Variants in PEX5L observed in about 807,000 individuals in gnomAD.
PEX5L encodes the protein peroxisomal biogenesis factor 5 like, also known as PEX5-related protein.
Under a neutral mutation model 84.0 loss-of-function variants are expected in PEX5L, and 30 were observed. The ratio of observed to expected loss-of-function variants is 0.36; its 90% confidence interval spans 0.27 to 0.48. The LOEUF (loss-of-function observed/expected upper bound fraction) is 0.48. Among genes scored for constraint, PEX5L ranks in the 20% least tolerant of loss-of-function variants. The pLI is 0.99. For missense variants in PEX5L, 533 were observed against 754.6 expected, an observed-to-expected ratio of 0.71 and a Z score of 3.44; for synonymous variants, 270 against 283.1, an observed-to-expected ratio of 0.95 and a Z score of 0.46.
intron 8 of PEX5L, among the ~76,000 whole-genome samples, chr3:179,844,495 A>G (rs1738506361): frequency 6.6e-6 from 1 of 152,214 alleles, no homozygotes; most frequent in Non-Finnish European, 1.5e-5. Context: ...CTGTCTTTAG[A>G]AGACCAAATG....
chr3:180,004,652 C>T (rs1788714296), intron 1 of PEX5L, among the ~76,000 whole-genome samples: 1 of 151,998 alleles, frequency 6.6e-6, no homozygotes, highest in Non-Finnish European at 1.5e-5. Context: ...CAGAGCTACC[C>T]GGATTTATGT....
At chr3:179,828,434 G>T (rs1731351224) in intron 8 of PEX5L, among the ~76,000 whole-genome samples, 1 of 152,060 alleles carries the variant, frequency 6.6e-6, no homozygotes, top group African/African-American at 2.4e-5. Context: ...ATTTCTAGAA[G>T]CAGCAACTTT....
chr3:179,875,517 A>C, intron 5 of PEX5L, 40 bp from the exon 6 acceptor site: 4 of 1,101,744 alleles, frequency 3.6e-6, no homozygotes, highest in Non-Finnish European at 3.8e-6. Context: ...AGGTGGCGGC[A>C]GGGCGGGGTA....
chr3:179,856,355 A>G (rs1010563627), intron 8 of PEX5L, among the ~76,000 whole-genome samples: 2 of 150,062 alleles, frequency 1.3e-5, no homozygotes, highest in Non-Finnish European at 3.0e-5. Context: ...TTTAATAGTT[A>G]CATAGTATTT....
At chr3:179,815,673 A>G (rs1725791506) in intron 10 of PEX5L, among the ~76,000 whole-genome samples, 188 bp downstream of exon 10, 1 of 152,222 alleles carries the variant, frequency 6.6e-6, no homozygotes, top group Non-Finnish European at 1.5e-5. Flanking sequence ...CACTGTAAAC[A>G]CTGCCAATTA....
intron 2 of PEX5L, among the ~76,000 whole-genome samples, chr3:179,910,558 A>G (rs527773089): frequency 6.6e-6 from 1 of 152,200 alleles, no homozygotes; most frequent in Non-Finnish European, 1.5e-5. Flanking sequence ...ATAATCCTGT[A>G]CCACTGATAG....
At chr3:179,960,354 G>A (rs1046062380) in intron 2 of PEX5L, among the ~76,000 whole-genome samples, 2 of 152,214 alleles carry the variant, frequency 1.3e-5, no homozygotes, top group African/African-American at 2.4e-5. Context: ...AGTATGAATG[G>A]GGCATGAAGT....
chr3:179,864,528 G>A (rs1372739346), intron 7 of PEX5L, among the ~76,000 whole-genome samples: 1 of 152,108 alleles, frequency 6.6e-6, no homozygotes, highest in East Asian at 1.9e-4. Flanking sequence ...GGAGCTGGAG[G>A]TGAAGGTTGA....
chr3:179,966,730 A>T (rs1234474669), intron 2 of PEX5L, among the ~76,000 whole-genome samples: 1 of 152,186 alleles, frequency 6.6e-6, no homozygotes, highest in African/African-American at 2.4e-5. Flanking sequence ...TGGAGACACA[A>T]GGGTGAGGTT....
chr3:179,913,772 A>G (rs1372183740), intron 2 of PEX5L, among the ~76,000 whole-genome samples: 1 of 152,198 alleles, frequency 6.6e-6, no homozygotes, highest in East Asian at 1.9e-4. Context: ...AGTTTTTGCA[A>G]GAACTTAACT....
intron 1 of PEX5L, among the ~76,000 whole-genome samples, chr3:180,003,061 G>T (rs9854821): frequency 6.6e-6 from 1 of 152,050 alleles, no homozygotes; most frequent in African/African-American, 2.4e-5. Flanking sequence ...GATAAAAATC[G>T]AATTCATTCT....
intron 2 of PEX5L, among the ~76,000 whole-genome samples, chr3:179,968,830 T>C (rs1784043703): frequency 6.6e-6 from 1 of 152,088 alleles, no homozygotes; most frequent in Non-Finnish European, 1.5e-5. Flanking sequence ...CAAATAAATT[T>C]TGTCAATACA....
In PEX5L at chr3:179,961,031, G is replaced by GT. The variant is rs575751707; in HGVS notation, c.93+10562dup. Among the ~76,000 whole-genome samples, 9 of 152,244 alleles carry GT rather than the reference G, an allele frequency of 5.9e-5. No homozygotes were observed. In the South Asian group the frequency reaches 1.7e-3, roughly 28 times the overall value. On this transcript the variant is annotated intron_variant, in intron 2 of 14. Transcript: ENST00000467460. ...TTAGAAAACAAAGTGATGAATGAAT[G>GT]TTTTTTCTATTCAGAACATCCAGCA...
chr3:179,810,917 T>C (rs533984565), intron 11 of PEX5L, among the ~76,000 whole-genome samples: 2 of 151,836 alleles, frequency 1.3e-5, no homozygotes, highest in East Asian at 1.9e-4. Context: ...AGATGTGGAG[T>C]TGGGAGATGA....
At chr3:179,828,065 T>C (rs953699486) in intron 8 of PEX5L, among the ~76,000 whole-genome samples, 11 of 152,164 alleles carry the variant, frequency 7.2e-5, no homozygotes, top group African/African-American at 2.7e-4. Flanking sequence ...TCACCTGGCC[T>C]GCCTTCAGCA....
At chr3:179,995,108 CTATA>C (rs953463369) in intron 1 of PEX5L, among the ~76,000 whole-genome samples, 2 of 146,550 alleles carry the variant, frequency 1.4e-5, no homozygotes, top group African/African-American at 5.0e-5. Flanking sequence ...TATACACACA[CTATA>C]TATACTATAT....
At position 179,801,536 on chromosome 3, in the gene PEX5L, T is replaced by C. The variant is rs1160113786; in HGVS notation, c.*292A>G. On this transcript the variant is annotated 3_prime_UTR_variant, in exon 15 of 15. Transcript: ENST00000467460. ...AAAACCCAAAGAACATGTGTTGCAATATGCTTGCAACTTGTGGAAAGAGTA... is the reference window on the plus strand; with the variant it reads ...AAAACCCAAAGAACATGTGTTGCAACATGCTTGCAACTTGTGGAAAGAGTA... 1 of 313,854 alleles carries C rather than the reference T, an allele frequency of 3.2e-6. No individual in the cohort carries two copies. The highest frequency in any genetic ancestry group is 5.9e-5 in the East Asian group (1 of 17,018). The allele number at this position is 313,854 out of a possible 1,614,324, so 19.4% of individuals were successfully genotyped here. A position where few individuals can be genotyped will look rare whatever the true frequency, so the allele number is the denominator to read the frequency against.
intron 2 of PEX5L, among the ~76,000 whole-genome samples, chr3:179,898,502 A>G (rs1348862661): frequency 6.6e-6 from 1 of 152,174 alleles, no homozygotes; most frequent in Non-Finnish European, 1.5e-5. Flanking sequence ...TTTTATATGT[A>G]TAATATGTTT....
intron 8 of PEX5L, among the ~76,000 whole-genome samples, chr3:179,851,697 T>C (rs1741958798): frequency 6.6e-6 from 1 of 152,208 alleles, no homozygotes; most frequent in African/African-American, 2.4e-5. Context: ...AAAGCTGCTT[T>C]CAATGAAGAT....
Sources: gnomAD v4.1 joint callset for allele counts (sites outside exome capture counted in the v4.1 genomes callset) on GRCh38, gnomAD v4.1.1 for gene constraint, MANE v1.5 for transcripts, NCBI Gene and HGNC (gene_info 2026-07-23, HGNC 2026-07-21) for gene names.